The following MMP24 variants were observed in gnomAD, a reference collection of about 807,000 sequenced individuals.
MMP24 encodes matrix metalloproteinase-24.
A neutral mutation model predicts 62.8 loss-of-function variants in MMP24; 25 were observed. The observed-to-expected ratio is 0.40, with a 90% CI of 0.29 to 0.56. MMP24 has a LOEUF of 0.56. MMP24 is among the 20% of genes least tolerant of loss of function. The pLI is 0.50. For missense variants in MMP24, 634 were observed against 853.6 expected, an observed-to-expected ratio of 0.74 and a Z score of 3.21; for synonymous variants, 319 against 350.5, an observed-to-expected ratio of 0.91 and a Z score of 1.00.
intron 4 of MMP24, chr20:35,256,465 AT>A (rs2060574974): frequency 6.6e-6 from 1 of 152,196 alleles, no homozygotes; most frequent in Non-Finnish European, 1.5e-5. Flanking sequence ...CACACCTGTA[AT>A]CCCAGCACTT....
At chr20:35,256,346 T>A (rs2051100469) in intron 4 of MMP24, 1 of 152,166 alleles carries the variant, frequency 6.6e-6, no homozygotes, top group Non-Finnish European at 1.5e-5. Context: ...CTGGAGCCCA[T>A]GCTGTCAGCC....
At chr20:35,260,092 G>T (rs2060594537) in intron 4 of MMP24, among the ~76,000 whole-genome samples, 1 of 152,174 alleles carries the variant, frequency 6.6e-6, no homozygotes, top group African/African-American at 2.4e-5. Flanking sequence ...CTCTTGAAGA[G>T]TGAAGACCCT....
chr20:35,261,428 G>C (rs908475907), intron 4 of MMP24, among the ~76,000 whole-genome samples: 1 of 152,200 alleles, frequency 6.6e-6, no homozygotes, highest in Non-Finnish European at 1.5e-5. Context: ...GATGCCCCCA[G>C]TTTACAAGTG....
intron 1 of MMP24, among the ~76,000 whole-genome samples, chr20:35,241,284 T>C (rs188169320): frequency 6.6e-6 from 1 of 152,206 alleles, no homozygotes; most frequent in Admixed American, 6.5e-5. Context: ...CCCCGATCCA[T>C]CTTCCTTAGC....
At chr20:35,248,206 C>T (rs373696592) in intron 2 of MMP24, among the ~76,000 whole-genome samples, 1 of 151,760 alleles carries the variant, frequency 6.6e-6, no homozygotes, top group East Asian at 1.9e-4. Context: ...ATCAATTTGA[C>T]GTAAGTCACT....
chr20:35,245,111 C>A (rs914635233), intron 1 of MMP24, among the ~76,000 whole-genome samples: 2 of 152,210 alleles, frequency 1.3e-5, no homozygotes, highest in Non-Finnish European at 2.9e-5. Flanking sequence ...ACTACAGCCT[C>A]TTACTCCCGG....
At chr20:35,245,782 A>G (rs1192045253) in intron 1 of MMP24, among the ~76,000 whole-genome samples, 1 of 150,950 alleles carries the variant, frequency 6.6e-6, no homozygotes, top group African/African-American at 2.4e-5. Flanking sequence ...TTTAAGAATA[A>G]TTTGCTAGCC....
Position 35,267,310 on chromosome 20 carries a change from C to A in MMP24, c.1085C>A (p.Pro362His). 6.3e-7 allele frequency: 1 copy of A among 1,596,386 alleles called. No homozygotes were observed. Residue 362 changes from proline to histidine, a missense_variant, in exon 6 of 9, where the codon CCT becomes CAT. By Grantham distance (77) the Pro-to-His change is moderately conservative. Transcript: ENST00000246186. ...AAACACGAGCGCCAGCCCAGGCCCCCTCGGCCGCCCCTCGGGGACCGGCCA... is the reference window on the plus strand; with the variant it reads ...AAACACGAGCGCCAGCCCAGGCCCCATCGGCCGCCCCTCGGGGACCGGCCA... ...ERKHERQPRPPRPPLGDRPST... is the reference protein window; with the variant it reads ...ERKHERQPRPHRPPLGDRPST...
chr20:35,257,191 C>T (rs568398446), intron 4 of MMP24, among the ~76,000 whole-genome samples: 3 of 152,170 alleles, frequency 2.0e-5, no homozygotes, highest in Non-Finnish European at 4.4e-5. Flanking sequence ...AAAGGCTGGA[C>T]CAGGAGGTGG....
intron 1 of MMP24, among the ~76,000 whole-genome samples, chr20:35,231,398 A>C (rs2060436660): frequency 6.6e-6 from 1 of 152,202 alleles, no homozygotes; most frequent in Non-Finnish European, 1.5e-5. Flanking sequence ...CGTATTCCCA[A>C]ATCAAAATAT....
At chr20:35,233,112 A>G (rs2060445624) in intron 1 of MMP24, among the ~76,000 whole-genome samples, 2 of 152,234 alleles carry the variant, frequency 1.3e-5, no homozygotes, top group South Asian at 4.1e-4. Context: ...AAAGGGCACC[A>G]AAAGTACTTG....
intron 1 of MMP24, among the ~76,000 whole-genome samples, chr20:35,228,563 G>A (rs932298105): frequency 6.6e-6 from 1 of 152,170 alleles, no homozygotes; most frequent in East Asian, 1.9e-4. Context: ...CCATTGGTTT[G>A]TGTGACCTTG....
intron 2 of MMP24, among the ~76,000 whole-genome samples, chr20:35,249,135 G>C (rs1330006530): frequency 1.3e-5 from 2 of 152,162 alleles, no homozygotes; most frequent in Non-Finnish European, 2.9e-5. Flanking sequence ...ACCTGAGATG[G>C]GGAGTGTTCA....
At chr20:35,259,702 G>A (rs1237565934) in intron 4 of MMP24, among the ~76,000 whole-genome samples, 1 of 152,132 alleles carries the variant, frequency 6.6e-6, no homozygotes, top group Non-Finnish European at 1.5e-5. Context: ...ACCAAATATG[G>A]AGATCCTAAA....
chr20:35,229,142 T>C (rs1412473759), intron 1 of MMP24, among the ~76,000 whole-genome samples: 2 of 152,236 alleles, frequency 1.3e-5, no homozygotes, highest in Non-Finnish European at 2.9e-5. Flanking sequence ...ACCTTGACGT[T>C]TGTCTGCCAT....
chr20:35,247,557 G>C (rs1401694711), intron 2 of MMP24, among the ~76,000 whole-genome samples: 1 of 152,116 alleles, frequency 6.6e-6, no homozygotes, highest in Non-Finnish European at 1.5e-5. Context: ...TTAGGAGGTA[G>C]AAAAAAGCCA....
chr20:35,253,362 C>T lies in MMP24; in HGVS notation c.513-1088C>T, dbSNP rs1227646318. ...CTCTTCTGCTGATAAGCTGTCCCTT[C>T]AGAACGGGATTTTTTTTTTCCAGAA... On this transcript the variant is annotated intron_variant, in intron 3 of 8. Coordinates refer to ENST00000246186, the MANE Select transcript of MMP24 (RefSeq NM_006690.4). Among the ~76,000 whole-genome samples, 36 of 142,674 alleles carry T rather than the reference C, an allele frequency of 2.5e-4. No individual in the cohort carries two copies. In the Admixed American group the frequency reaches 2.6e-3, roughly 10 times the overall value. 93.6% of individuals were successfully genotyped at this position (142,674 alleles called of 152,430 possible).
At chr20:35,268,944 A>G (rs557262443) in intron 6 of MMP24, among the ~76,000 whole-genome samples, 4 of 151,546 alleles carry the variant, frequency 2.6e-5, no homozygotes, top group East Asian at 2.0e-4. Flanking sequence ...GGAGAATAGC[A>G]TGAACCTGGG....
At chr20:35,254,397 T>A in intron 3 of MMP24, 53 bp from the exon 4 acceptor site, 1 of 1,499,278 alleles carries the variant, frequency 6.7e-7, no homozygotes, top group South Asian at 1.2e-5. Flanking sequence ...ATTTTAGCTC[T>A]GCTAGTCTCT....
Sources: allele counts gnomAD v4.1 joint callset (sites outside exome capture counted in the v4.1 genomes callset), GRCh38; gene constraint gnomAD v4.1.1; transcripts MANE v1.5; gene names NCBI Gene and HGNC (gene_info 2026-07-23, HGNC 2026-07-21).